Variants in SAMD5 observed in about 807,000 individuals in gnomAD.
The protein encoded by SAMD5 is sterile alpha motif domain containing 5.
SAMD5 carries 13 observed loss-of-function variants against 11.3 expected under a neutral mutation model. That is an observed-to-expected ratio of 1.15 (90% confidence interval 0.75 to 1.83). The LOEUF is 1.83. Ranked by LOEUF, SAMD5 falls within the 40% of genes most tolerant of loss-of-function variation. The probability of loss-of-function intolerance (pLI) is 0.00; values close to 1 mark genes in which losing one functional copy is unlikely to be tolerated. For synonymous variants in SAMD5, 129 were observed against 111.3 expected (o/e 1.16, Z -1.00); for missense variants, 255 against 239.1 (o/e 1.07, Z -0.44).
chr6:147,637,631 T>C (rs17388649), intron 1 of SAMD5, among the ~76,000 whole-genome samples: 39,056 of 152,086 alleles, frequency 0.26, 6,209 homozygotes, highest in Middle Eastern at 0.35. Context: ...ATACACCTTT[T>C]CATTTTGAGA....
Position 147,558,939 on chromosome 6 carries a change from G to A in SAMD5, c.460-5455G>A, listed in dbSNP as rs140324603. ...AAGCTCCCTCTTCGTTCTTAAAATC[G>A]CTGTCCTTTCCAACTACCAAATACC... On this transcript the variant is annotated intron_variant, in intron 1 of 1. Coordinates refer to ENST00000367474, the MANE Select transcript of SAMD5 (RefSeq NM_001030060.3). Among the ~76,000 whole-genome samples, 608 of 152,170 alleles carry A rather than the reference G, an allele frequency of 4.0e-3. 3 individuals are homozygous for A. Among genetic ancestry groups the A allele is most frequent in the Admixed American group, 7.3e-3 (111 of 15,286 alleles).
intron 1 of SAMD5, among the ~76,000 whole-genome samples, chr6:147,542,687 C>A (rs1022671127): frequency 6.6e-6 from 1 of 152,110 alleles, no homozygotes; most frequent in African/African-American, 2.4e-5. Context: ...AGGGCAGGGT[C>A]TGCAAAATAT....
the SAMD5 span, among the ~76,000 whole-genome samples, chr6:147,790,510 A>T: frequency 6.6e-6 from 1 of 152,210 alleles, no homozygotes; most frequent in Non-Finnish European, 1.5e-5. Flanking sequence ...GATGTGTATG[A>T]TTGCAAAGTT....
chr6:147,522,735 T>C (rs1788273566), intron 1 of SAMD5, among the ~76,000 whole-genome samples: 2 of 152,196 alleles, frequency 1.3e-5, no homozygotes, highest in South Asian at 2.1e-4. Context: ...ACCACTACAG[T>C]TGATTTCCTG....
At chr6:147,780,204 CT>C in the SAMD5 span, among the ~76,000 whole-genome samples, 603 of 143,004 alleles carry the variant, frequency 4.2e-3, no homozygotes, top group Non-Finnish European at 4.2e-3. Flanking sequence ...TAACTTAATT[CT>C]TTTTTTTTTT....
Position 147,569,711 on chromosome 6 carries a change from G to C in SAMD5, c.*5255G>C. ...TAGAGATACTATTCGGGTTGCTAAA[G>C]CCATTATTCATAGAAAATTTCTGCC... On this transcript the variant is annotated 3_prime_UTR_variant, in exon 2 of 2. Coordinates refer to ENST00000367474, the MANE Select transcript of SAMD5 (RefSeq NM_001030060.3). 1.0e-6 allele frequency: 1 copy of C among 985,334 alleles called. No individual in the cohort carries two copies. Among genetic ancestry groups the C allele is most frequent in the Non-Finnish European group, 1.2e-6 (1 of 829,846 alleles). 61.0% of individuals were successfully genotyped at this position (985,334 alleles called of 1,614,324 possible).
At position 147,569,754 on chromosome 6, in the gene SAMD5, A is replaced by G. The variant is rs1789107299; in HGVS notation, c.*5298A>G. ...TTTCTGCCCCTACAGAAGTGTGTGC[A>G]TGGGCCTTGGAAAATCTACATGTGT... On this transcript the variant is annotated 3_prime_UTR_variant, in exon 2 of 2. Transcript: ENST00000367474. 2.0e-6 allele frequency: 2 copies of G among 985,310 alleles called. No individual in the cohort carries two copies. Among genetic ancestry groups the G allele is most frequent in the Non-Finnish European group, 1.2e-6 (1 of 829,902 alleles). 61.0% of individuals were successfully genotyped at this position (985,310 alleles called of 1,614,324 possible). A position where few individuals can be genotyped will look rare whatever the true frequency, so the allele number is the denominator to read the frequency against.
At chr6:147,695,318 A>ATT (rs148241893) in intron 1 of SAMD5, among the ~76,000 whole-genome samples, 3 of 151,756 alleles carry the variant, frequency 2.0e-5, no homozygotes, top group African/African-American at 4.8e-5. Flanking sequence ...AGTTTCTATG[A>ATT]TTTTTTTTCC....
chr6:147,906,592 T>A, the SAMD5 span, among the ~76,000 whole-genome samples: 1 of 152,348 alleles, frequency 6.6e-6, no homozygotes. Flanking sequence ...TGATGCTTAG[T>A]CAGCAGGGAC....
the SAMD5 span, among the ~76,000 whole-genome samples, chr6:147,770,405 T>C: frequency 6.6e-6 from 1 of 152,212 alleles, no homozygotes; most frequent in Non-Finnish European, 1.5e-5. Context: ...CATGAACTTA[T>C]GACTATCAGC....
At chr6:147,814,457 A>G in the SAMD5 span, among the ~76,000 whole-genome samples, 1 of 152,130 alleles carries the variant, frequency 6.6e-6, no homozygotes, top group Non-Finnish European at 1.5e-5. Context: ...ACCATACCAC[A>G]CAGACTTAAC....
intron 1 of SAMD5, among the ~76,000 whole-genome samples, chr6:147,579,140 G>A (rs1583092769): frequency 6.6e-6 from 1 of 152,362 alleles, no homozygotes. Context: ...GGGAACACAA[G>A]GAGGAATGAA....
the SAMD5 span, among the ~76,000 whole-genome samples, chr6:147,825,594 TA>T: frequency 6.6e-6 from 1 of 152,218 alleles, no homozygotes. Context: ...TTTTTTCTTT[TA>T]CTGTTCCGTC....
chr6:147,792,947 G>A, the SAMD5 span, among the ~76,000 whole-genome samples: 9 of 152,072 alleles, frequency 5.9e-5, no homozygotes, highest in African/African-American at 2.2e-4. Flanking sequence ...AAATGGAGAC[G>A]AATAGATACA....
the SAMD5 span, among the ~76,000 whole-genome samples, chr6:147,906,025 C>T: frequency 6.6e-6 from 1 of 152,074 alleles, no homozygotes; most frequent in Non-Finnish European, 1.5e-5. Context: ...GAATTAGTGG[C>T]CCTGGACAGT....
At chr6:147,703,459 G>A (rs1212793743) in intron 1 of SAMD5, among the ~76,000 whole-genome samples, 2 of 152,118 alleles carry the variant, frequency 1.3e-5, no homozygotes, top group Non-Finnish European at 2.9e-5. Context: ...GAGCCCAAAC[G>A]GTATCTTACC....
chr6:147,518,439 C>T (rs1004714753), intron 1 of SAMD5, among the ~76,000 whole-genome samples: 6 of 152,300 alleles, frequency 3.9e-5, no homozygotes, highest in Admixed American at 3.9e-4. Context: ...GAAATAAGAA[C>T]TATATATATG....
At chr6:147,651,799 T>C (rs557997698) in intron 1 of SAMD5, among the ~76,000 whole-genome samples, 1 of 152,348 alleles carries the variant, frequency 6.6e-6, no homozygotes, top group South Asian at 2.1e-4. Flanking sequence ...GCAAGAATTA[T>C]CAGAGAATAT....
chr6:147,559,851 T>C (rs1788919770), intron 1 of SAMD5, among the ~76,000 whole-genome samples: 1 of 152,236 alleles, frequency 6.6e-6, no homozygotes, highest in Non-Finnish European at 1.5e-5. Context: ...GCTATTTGTA[T>C]AACCTAACAT....
Sources: gnomAD v4.1 joint callset for allele counts (sites outside exome capture counted in the v4.1 genomes callset) on GRCh38, gnomAD v4.1.1 for gene constraint, MANE v1.5 for transcripts, NCBI Gene and HGNC (gene_info 2026-07-23, HGNC 2026-07-21) for gene names.